GNA12: variants seen among roughly 807,000 people sequenced by gnomAD.
GNA12 encodes the protein G protein subunit alpha 12, also known as guanine nucleotide-binding protein subunit alpha-12.
Under a neutral mutation model 26.0 loss-of-function variants are expected in GNA12, and 9 were observed. The observed-to-expected ratio is 0.35, with a 90% CI of 0.21 to 0.60. The LOEUF (loss-of-function observed/expected upper bound fraction) is 0.60. Ranked by LOEUF, GNA12 falls within the 20% of genes least tolerant of loss-of-function variation. The pLI is 0.78. For synonymous variants in GNA12, 264 were observed against 219.6 expected (o/e 1.20, Z -1.79); for missense variants, 405 against 525.8 (o/e 0.77, Z 2.25).
Position 2,762,395 on chromosome 7 carries a change from T to C in GNA12, c.526-28894A>G, listed in dbSNP as rs983299677. ...GTATGGCGGTTCCCACTTTCCTCAC[T>C]GAGGAAACCAAAGCTTAGACGTTAA... On this transcript the variant is annotated intron_variant, in intron 2 of 3. Transcript: ENST00000275364. The C allele has an allele frequency of 8.8e-6, 4 of 453,496 alleles. No individual in the cohort carries two copies. In the East Asian group the frequency reaches 1.4e-4, roughly 16 times the overall value. 28.1% of individuals were successfully genotyped at this position (453,496 alleles called of 1,614,324 possible).
In GNA12 at chr7:2,829,484, C is replaced by T. The variant is rs926459309; in HGVS notation, c.309+14369G>A. On this transcript the variant is annotated intron_variant, in intron 1 of 3. Transcript: ENST00000275364. ...TTACTATTCAGTTCCTTCCTGTCTC[C>T]GATGCACCTATGAGATCTATGACGA... Among the ~76,000 whole-genome samples the T allele has an allele frequency of 4.6e-5, 7 of 152,166 alleles. No individual in the cohort carries two copies. In the South Asian group the frequency reaches 6.2e-4, roughly 14 times the overall value.
rs2114987114 is a variant in GNA12, at chr7:2,843,879, C to T, written c.283G>A (p.Asp95Asn). ...FDQKALLEFR[D>N]TIFDNILKGS... ...TTGAGGATGTTGTCGAAGATGGTGT[C>T]GCGGAACTCCAGCAGCGCCTTCTGG... is the stretch of plus-strand genomic sequence containing the variant. Residue 95 changes from aspartate (D) to asparagine (N), a missense_variant, in exon 1 of 4, where the codon GAC (aspartate) becomes AAC (asparagine). Transcript: ENST00000275364. 1 of 1,558,998 alleles carries T rather than the reference C, an allele frequency of 6.4e-7. No individual in the cohort carries two copies. The highest frequency in any genetic ancestry group is 8.7e-7 in the Non-Finnish European group (1 of 1,153,074).
intron 2 of GNA12, among the ~76,000 whole-genome samples, chr7:2,784,878 C>G (rs1253422505): frequency 2.6e-5 from 4 of 152,130 alleles, no homozygotes; most frequent in Non-Finnish European, 4.4e-5. Context: ...GTATTCAAAT[C>G]CATCATTATT....
chr7:2,777,217 G>A (rs1185005463), intron 2 of GNA12, among the ~76,000 whole-genome samples: 1 of 152,086 alleles, frequency 6.6e-6, no homozygotes, highest in Non-Finnish European at 1.5e-5. Context: ...TGGACGCTTG[G>A]GTATAAATGA....
intron 2 of GNA12, among the ~76,000 whole-genome samples, chr7:2,782,453 A>G (rs927308858): frequency 2.6e-5 from 4 of 152,122 alleles, no homozygotes; most frequent in African/African-American, 9.7e-5. Flanking sequence ...TACAAAACTC[A>G]ATTAGATTGA....
At chr7:2,733,560 A>G in intron 2 of GNA12, 59 bp from the exon 3 acceptor site, 1 of 1,366,686 alleles carries the variant, frequency 7.3e-7, no homozygotes, top group Non-Finnish European at 1.0e-6. Flanking sequence ...TGATGTGGCA[A>G]ATACAAGAAC....
intron 1 of GNA12, chr7:2,814,370 T>G: frequency 1.3e-6 from 2 of 1,599,066 alleles, no homozygotes; most frequent in South Asian, 1.1e-5. Context: ...TCGGTTTCCA[T>G]CTGGTGTGCT....
chr7:2,808,960 C>T (rs1269893498), intron 1 of GNA12, among the ~76,000 whole-genome samples: 2 of 152,186 alleles, frequency 1.3e-5, no homozygotes, highest in Non-Finnish European at 2.9e-5. Context: ...AAACCCTTTG[C>T]CCCGGATAGC....
At chr7:2,833,357 G>A (rs1458947061) in intron 1 of GNA12, among the ~76,000 whole-genome samples, 2 of 152,116 alleles carry the variant, frequency 1.3e-5, no homozygotes, top group Non-Finnish European at 2.9e-5. Flanking sequence ...AAACCGGTAC[G>A]ATCCATGAAC....
chr7:2,738,747 T>C (rs976119958), intron 2 of GNA12, among the ~76,000 whole-genome samples: 4 of 152,108 alleles, frequency 2.6e-5, no homozygotes, highest in Admixed American at 2.0e-4. Flanking sequence ...CCCTCAAAAT[T>C]GAACCCAAAT....
At chr7:2,773,497 G>C (rs1791999690) in intron 2 of GNA12, among the ~76,000 whole-genome samples, 2 of 152,202 alleles carry the variant, frequency 1.3e-5, no homozygotes, top group South Asian at 2.1e-4. Flanking sequence ...GGGAGGCAGA[G>C]GCTGCAGTGA....
intron 2 of GNA12, among the ~76,000 whole-genome samples, chr7:2,790,702 T>C (rs79977839): frequency 0.019 from 2,965 of 152,332 alleles, 55 homozygotes; most frequent in Middle Eastern, 0.075. Context: ...GGCCTGGTGG[T>C]ATGCACCTGT....
intron 1 of GNA12, among the ~76,000 whole-genome samples, chr7:2,829,620 T>C (rs980180145): frequency 1.3e-5 from 2 of 152,256 alleles, no homozygotes; most frequent in Admixed American, 6.5e-5. Flanking sequence ...ATTATTCTTA[T>C]ACAATATAGA....
chr7:2,745,318 C>A (rs1379815319), intron 2 of GNA12, among the ~76,000 whole-genome samples: 1 of 152,244 alleles, frequency 6.6e-6, no homozygotes, highest in Non-Finnish European at 1.5e-5. Flanking sequence ...AACAGCTGAT[C>A]TCTTGGCAGA....
intron 1 of GNA12, among the ~76,000 whole-genome samples, chr7:2,831,880 G>A (rs973157803): frequency 6.6e-6 from 1 of 152,148 alleles, no homozygotes; most frequent in Non-Finnish European, 1.5e-5. Context: ...CCTCTTACCT[G>A]TAATGGAAAC....
At chr7:2,786,235 T>C (rs1383355006) in intron 2 of GNA12, among the ~76,000 whole-genome samples, 3 of 152,174 alleles carry the variant, frequency 2.0e-5, no homozygotes, top group African/African-American at 7.2e-5. Context: ...CTGTAAGATG[T>C]CATCATTGGG....
intron 1 of GNA12, among the ~76,000 whole-genome samples, chr7:2,836,320 G>T (rs1269603957): frequency 6.6e-6 from 1 of 152,182 alleles, no homozygotes; most frequent in Non-Finnish European, 1.5e-5. Flanking sequence ...CTCCTCCCAG[G>T]TCTGCCCCCT....
chr7:2,839,432 G>C (rs1778927469), intron 1 of GNA12, among the ~76,000 whole-genome samples: 2 of 152,098 alleles, frequency 1.3e-5, no homozygotes, highest in South Asian at 4.1e-4. Context: ...CGCCCAGGCT[G>C]GAGTACAGTG....
rs182957856 is a variant in GNA12, at chr7:2,842,449, C to G, written c.309+1404G>C. Among the ~76,000 whole-genome samples, 9 of 152,312 alleles carry G rather than the reference C, an allele frequency of 5.9e-5. No individual in the cohort carries two copies. In the East Asian group the frequency reaches 1.5e-3, roughly 26 times the overall value. ...AAGCAACTGGGACTACAGGTGCATT[C>G]CACCATGCCCAACTAATGTGTTCAT... On this transcript the variant is annotated intron_variant, in intron 1 of 3. Transcript: ENST00000275364.
Sources: gnomAD v4.1 joint callset for allele counts (sites outside exome capture counted in the v4.1 genomes callset) on GRCh38, gnomAD v4.1.1 for gene constraint, MANE v1.5 for transcripts, NCBI Gene and HGNC (gene_info 2026-07-23, HGNC 2026-07-21) for gene names.